The following SNTG1 variants were observed in gnomAD, a reference collection of about 807,000 sequenced individuals.
The protein encoded by SNTG1 is gamma-1-syntrophin.
In SNTG1, 39 loss-of-function variants were observed where a neutral mutation model predicts 74.7. That is an observed-to-expected ratio of 0.52 (90% confidence interval 0.40 to 0.68). The LOEUF is 0.68. SNTG1 is among the 30% of genes least tolerant of loss of function. The pLI is 0.00. For synonymous variants in SNTG1, 254 were observed against 217.1 expected, an observed-to-expected ratio of 1.17 and a Z score of -1.49; for missense variants, 685 against 609.5, an observed-to-expected ratio of 1.12 and a Z score of -1.30.
intron 2 of SNTG1, among the ~76,000 whole-genome samples, chr8:50,376,746 T>TAG (rs1383678131): frequency 1.4e-3 from 151 of 111,022 alleles, no homozygotes; most frequent in African/African-American, 3.8e-3. Flanking sequence ...TATATATATA[T>TAG]ATATATATAT....
At chr8:50,014,999 T>A (rs1816176750) in intron 1 of SNTG1, among the ~76,000 whole-genome samples, 1 of 148,710 alleles carries the variant, frequency 6.7e-6, no homozygotes, top group African/African-American at 2.5e-5. Flanking sequence ...AGTAGAAAAG[T>A]ATACCACATG....
At chr8:49,996,842 A>G (rs1159645158) in intron 1 of SNTG1, among the ~76,000 whole-genome samples, 1 of 57,924 alleles carries the variant, frequency 1.7e-5, no homozygotes, top group African/African-American at 5.6e-5. Flanking sequence ...ATAGAAGCTC[A>G]TAATTACATA....
intron 1 of SNTG1, among the ~76,000 whole-genome samples, chr8:50,005,526 T>C (rs1563459453): frequency 6.6e-6 from 1 of 152,108 alleles, no homozygotes; most frequent in Non-Finnish European, 1.5e-5. Flanking sequence ...TATATATTTG[T>C]TAAATAGAAT....
At chr8:50,760,034 T>C (rs1210346276) in intron 18 of SNTG1, among the ~76,000 whole-genome samples, 3 of 152,160 alleles carry the variant, frequency 2.0e-5, no homozygotes, top group African/African-American at 7.2e-5. Context: ...CAGTGGTTTG[T>C]AGTTCTCCTT....
At chr8:50,389,052 A>C in intron 2 of SNTG1, among the ~76,000 whole-genome samples, 1 of 152,198 alleles carries the variant, frequency 6.6e-6, no homozygotes, top group East Asian at 1.9e-4. Flanking sequence ...ACAGGGCAGC[A>C]GCTTCTTGGG....
intron 12 of SNTG1, among the ~76,000 whole-genome samples, chr8:50,565,593 G>A (rs559040699): frequency 6.6e-6 from 1 of 152,160 alleles, no homozygotes; most frequent in East Asian, 1.9e-4. Context: ...ATTCATCCAT[G>A]TATTAATTCA....
intron 1 of SNTG1, among the ~76,000 whole-genome samples, chr8:50,128,470 A>G (rs2081215235): frequency 6.6e-6 from 1 of 152,176 alleles, no homozygotes; most frequent in African/African-American, 2.4e-5. Flanking sequence ...CAAAGATGCT[A>G]AAATTTGTAG....
At chr8:50,349,866 C>G (rs570650517) in intron 2 of SNTG1, among the ~76,000 whole-genome samples, 1 of 152,282 alleles carries the variant, frequency 6.6e-6, no homozygotes, top group African/African-American at 2.4e-5. Flanking sequence ...GAGCCCCTTT[C>G]TGGGCTGGCC....
intron 2 of SNTG1, among the ~76,000 whole-genome samples, chr8:50,324,956 T>C (rs2130838890): frequency 6.8e-6 from 1 of 146,482 alleles, no homozygotes; most frequent in East Asian, 2.0e-4. Context: ...TATATATATA[T>C]ATATATATAT....
intron 1 of SNTG1, among the ~76,000 whole-genome samples, chr8:50,141,974 T>G (rs1269909905): frequency 6.6e-6 from 1 of 152,148 alleles, no homozygotes; most frequent in Non-Finnish European, 1.5e-5. Context: ...CACACATAGA[T>G]ACAAATTATT....
chr8:50,680,876 C>T (rs556160298), intron 15 of SNTG1, among the ~76,000 whole-genome samples: 29 of 152,190 alleles, frequency 1.9e-4, no homozygotes, highest in African/African-American at 7.0e-4. Flanking sequence ...TTCCCATCTG[C>T]ATTGGGAATC....
At chr8:50,201,686 T>C (rs2083992152) in intron 2 of SNTG1, among the ~76,000 whole-genome samples, 1 of 152,158 alleles carries the variant, frequency 6.6e-6, no homozygotes, top group South Asian at 2.1e-4. Flanking sequence ...TTGTAGCTCT[T>C]GATGTGCTTT....
intron 4 of SNTG1, among the ~76,000 whole-genome samples, chr8:50,430,876 G>A (rs543868498): frequency 1.6e-4 from 24 of 152,238 alleles, no homozygotes; most frequent in African/African-American, 3.8e-4. Context: ...GTTAGGAATC[G>A]ACATGGAATT....
intron 1 of SNTG1, among the ~76,000 whole-genome samples, chr8:49,985,322 A>G (rs982679339): frequency 6.6e-6 from 1 of 151,982 alleles, no homozygotes; most frequent in Non-Finnish European, 1.5e-5. Context: ...AGAGAGATGG[A>G]GTTTCACCGT....
chr8:50,757,834 G>A (rs1035073416), intron 18 of SNTG1, among the ~76,000 whole-genome samples: 3 of 151,800 alleles, frequency 2.0e-5, no homozygotes, highest in Non-Finnish European at 4.4e-5. Context: ...TAGCACAACA[G>A]TTATATATTG....
intron 2 of SNTG1, among the ~76,000 whole-genome samples, chr8:50,392,310 G>A (rs998654785): frequency 6.6e-6 from 1 of 152,174 alleles, no homozygotes; most frequent in Non-Finnish European, 1.5e-5. Flanking sequence ...TTTAGACAAG[G>A]TGTTCTGATG....
chr8:50,670,367 C>G (rs1204847925), intron 15 of SNTG1, among the ~76,000 whole-genome samples: 1 of 151,776 alleles, frequency 6.6e-6, no homozygotes, highest in East Asian at 1.9e-4. Flanking sequence ...AATCAATATA[C>G]AAAAATCACA....
chr8:50,572,594 C>T (rs1473794388), intron 12 of SNTG1, among the ~76,000 whole-genome samples: 1 of 152,044 alleles, frequency 6.6e-6, no homozygotes, highest in Non-Finnish European at 1.5e-5. Context: ...AATTTTTATA[C>T]ATAGTCATGA....
intron 1 of SNTG1, among the ~76,000 whole-genome samples, chr8:50,099,536 A>G (rs556296434): frequency 6.6e-6 from 1 of 152,114 alleles, no homozygotes; most frequent in East Asian, 1.9e-4. Flanking sequence ...GCCAAATGGT[A>G]GATCTATATG....
Sources: allele counts gnomAD v4.1 joint callset (sites outside exome capture counted in the v4.1 genomes callset), GRCh38; gene constraint gnomAD v4.1.1; transcripts MANE v1.5; gene names NCBI Gene and HGNC (gene_info 2026-07-23, HGNC 2026-07-21).